Variants in NFIL3 observed in about 807,000 individuals in gnomAD.
The protein encoded by NFIL3 is nuclear factor interleukin-3-regulated protein.
A neutral mutation model predicts 10.0 loss-of-function variants in NFIL3; 5 were observed. That is an observed-to-expected ratio of 0.50 (90% CI 0.26 to 1.06). The LOEUF (loss-of-function observed/expected upper bound fraction) is 1.06, where lower values mean the gene tolerates loss of function less well. Ranked by LOEUF, NFIL3 falls within the 50% of genes least tolerant of loss-of-function variation. The pLI is 0.13. For missense variants in NFIL3, 436 were observed against 547.6 expected (o/e 0.80, Z 2.03); for synonymous variants, 202 against 206.5 (o/e 0.98, Z 0.19).
At chr9:91,483,324 T>C in the NFIL3 span, among the ~76,000 whole-genome samples, 1 of 152,182 alleles carries the variant, frequency 6.6e-6, no homozygotes, top group African/African-American at 2.4e-5. Context: ...AAATAGAATC[T>C]GGGAAACTAG....
chr9:91,452,787 CA>C, the NFIL3 span, among the ~76,000 whole-genome samples: 551 of 59,852 alleles, frequency 9.2e-3, 2 homozygotes, highest in Middle Eastern at 0.067. Flanking sequence ...AACTCTGTCT[CA>C]AAAAAAAAAA....
the NFIL3 span, among the ~76,000 whole-genome samples, chr9:91,443,368 GC>G: frequency 1.2e-4 from 19 of 152,328 alleles, no homozygotes; most frequent in South Asian, 2.7e-3. Context: ...CCAGGGAACA[GC>G]CCCTTTCTGC....
At chr9:91,446,757 T>TCTCCCTCCCTCCCTTCCTTC in the NFIL3 span, among the ~76,000 whole-genome samples, 1 of 152,120 alleles carries the variant, frequency 6.6e-6, no homozygotes, top group South Asian at 2.1e-4. Context: ...TGATGTTTTC[T>TCTCCCTCCCTCCCTTCCTTC]CTCCCTCCCT....
At chr9:91,416,062 T>C (rs1018434849) in intron 1 of NFIL3, among the ~76,000 whole-genome samples, 1 of 152,198 alleles carries the variant, frequency 6.6e-6, no homozygotes, top group African/African-American at 2.4e-5. Flanking sequence ...AATTTTCATA[T>C]CTTTACTAAA....
At chr9:91,434,000 T>TA in the NFIL3 span, among the ~76,000 whole-genome samples, 1 of 152,004 alleles carries the variant, frequency 6.6e-6, no homozygotes, top group Non-Finnish European at 1.5e-5. Context: ...GCCAAACAAG[T>TA]AAAAAAATTG....
chr9:91,472,237 T>C, the NFIL3 span, among the ~76,000 whole-genome samples: 1 of 152,210 alleles, frequency 6.6e-6, no homozygotes, highest in Non-Finnish European at 1.5e-5. Flanking sequence ...TTTCTTGAAT[T>C]TGAATGTTGG....
At chr9:91,450,213 C>T in the NFIL3 span, among the ~76,000 whole-genome samples, 6 of 152,112 alleles carry the variant, frequency 3.9e-5, no homozygotes, top group East Asian at 7.7e-4. Context: ...TATCTGCTAT[C>T]TAACCTTTAT....
At chr9:91,477,883 G>T in the NFIL3 span, among the ~76,000 whole-genome samples, 10 of 151,918 alleles carry the variant, frequency 6.6e-5, no homozygotes. Context: ...GAATGTAAAG[G>T]ATTTTATTTC....
chr9:91,452,446 G>A, the NFIL3 span, among the ~76,000 whole-genome samples: 1 of 115,598 alleles, frequency 8.7e-6, no homozygotes, highest in Non-Finnish European at 1.6e-5. Context: ...CCTCTTACAG[G>A]TATTGAATGA....
the NFIL3 span, among the ~76,000 whole-genome samples, chr9:91,458,047 T>A: frequency 6.6e-6 from 1 of 152,078 alleles, no homozygotes; most frequent in Non-Finnish European, 1.5e-5. Flanking sequence ...TTTTTATATA[T>A]CAGTGACTTA....
the NFIL3 span, among the ~76,000 whole-genome samples, chr9:91,457,896 G>A: frequency 6.6e-6 from 1 of 151,948 alleles, no homozygotes; most frequent in African/African-American, 2.4e-5. Flanking sequence ...ATGATTTTGT[G>A]AAATGTTTTT....
At chr9:91,455,931 C>T in the NFIL3 span, among the ~76,000 whole-genome samples, 4 of 152,190 alleles carry the variant, frequency 2.6e-5, no homozygotes, top group Non-Finnish European at 4.4e-5. Flanking sequence ...TCTCCTCATG[C>T]CTCCCCCTTA....
At chr9:91,438,325 A>T in the NFIL3 span, among the ~76,000 whole-genome samples, 27 of 152,106 alleles carry the variant, frequency 1.8e-4, no homozygotes, top group Non-Finnish European at 4.0e-4. Flanking sequence ...AGAAATGTCT[A>T]TTCAGGTTCT....
At chr9:91,456,491 G>T in the NFIL3 span, among the ~76,000 whole-genome samples, 1 of 152,010 alleles carries the variant, frequency 6.6e-6, no homozygotes. Flanking sequence ...CCTTTCCCAT[G>T]CTCTTAGTAG....
chr9:91,450,113 C>G, the NFIL3 span, among the ~76,000 whole-genome samples: 1 of 152,066 alleles, frequency 6.6e-6, no homozygotes, highest in African/African-American at 2.4e-5. Context: ...ATTAGTCTAG[C>G]TAAATTTTGT....
At chr9:91,426,038 A>G (rs555146773), upstream of NFIL3, among the ~76,000 whole-genome samples, 35 of 152,338 alleles carry the variant, frequency 2.3e-4, no homozygotes, top group African/African-American at 8.4e-4. Flanking sequence ...TTCTTTAAAG[A>G]CAACTCGACC....
At chr9:91,425,769 G>T (rs1020621827), upstream of NFIL3, among the ~76,000 whole-genome samples, 2 of 152,222 alleles carry the variant, frequency 1.3e-5, no homozygotes, top group Non-Finnish European at 2.9e-5. Context: ...ATGCCACTGT[G>T]CCTGGCCACT....
chr9:91,445,741 T>C, the NFIL3 span, among the ~76,000 whole-genome samples: 1 of 152,108 alleles, frequency 6.6e-6, no homozygotes, highest in East Asian at 1.9e-4. Context: ...GAGATGCAAC[T>C]GCCAGAGGTT....
the NFIL3 span, among the ~76,000 whole-genome samples, chr9:91,468,002 T>G: frequency 1.3e-5 from 2 of 152,208 alleles, no homozygotes; most frequent in Non-Finnish European, 2.9e-5. Context: ...AACATATGTG[T>G]GCATGTGTCT....
Sources: gnomAD v4.1 joint callset for allele counts (sites outside exome capture counted in the v4.1 genomes callset) on GRCh38, gnomAD v4.1.1 for gene constraint, MANE v1.5 for transcripts, NCBI Gene and HGNC (gene_info 2026-07-23, HGNC 2026-07-21) for gene names.